TRPM8: variants seen among roughly 807,000 people sequenced by gnomAD.
TRPM8 encodes TRPM8 cationic channel.
In TRPM8, 110 loss-of-function variants were observed where a neutral mutation model predicts 133.7. The ratio of observed to expected loss-of-function variants is 0.82; its 90% confidence interval spans 0.70 to 0.96. The LOEUF (loss-of-function observed/expected upper bound fraction) is 0.96, where lower values mean the gene tolerates loss of function less well. Ranked by LOEUF, TRPM8 falls within the 40% of genes least tolerant of loss-of-function variation. The probability of loss-of-function intolerance (pLI) is 0.00; values close to 1 mark genes in which losing one functional copy is unlikely to be tolerated. For missense variants in TRPM8, 1,291 were observed against 1,379.5 expected (o/e 0.94, Z 1.02); for synonymous variants, 535 against 532.3 (o/e 1.01, Z -0.07).
At chr2:233,937,626 C>T in intron 4 of TRPM8, 117 bp downstream of exon 4, 1 of 1,171,032 alleles carries the variant, frequency 8.5e-7, no homozygotes, top group Non-Finnish European at 1.2e-6. Context: ...TAGTAAACAC[C>T]AAAAACGATT....
chr2:233,975,758 T>C (rs895468230), intron 17 of TRPM8, among the ~76,000 whole-genome samples: 2 of 152,210 alleles, frequency 1.3e-5, no homozygotes, highest in Non-Finnish European at 2.9e-5. Flanking sequence ...GGCGCGTGCC[T>C]GTAATCCCAG....
rs551114334 is a variant in TRPM8 at position 233,962,216 on chromosome 2, T to C, written c.1654-1066T>C. Among the ~76,000 whole-genome samples the C allele has an allele frequency of 9.2e-5, 14 of 152,340 alleles. No individual in the cohort carries two copies. In the East Asian group the frequency reaches 2.7e-3, roughly 29 times the overall value. ...CCTGCAGAACTTCTCATTTTAAGTA[T>C]AGGAAGGCCCAGTTTCCAATTGCCA... is the stretch of plus-strand genomic sequence containing the variant. On this transcript the variant is annotated intron_variant, in intron 12 of 25. Transcript: ENST00000324695.
intron 17 of TRPM8, among the ~76,000 whole-genome samples, chr2:233,972,173 G>A (rs1691742106): frequency 6.6e-6 from 1 of 151,490 alleles, no homozygotes; most frequent in Non-Finnish European, 1.5e-5. Flanking sequence ...GACGATTGGT[G>A]TATTTACAAT....
At chr2:233,946,624 C>T (rs1691049329) in intron 7 of TRPM8, among the ~76,000 whole-genome samples, 1 of 152,156 alleles carries the variant, frequency 6.6e-6, no homozygotes, top group Admixed American at 6.5e-5. Flanking sequence ...GACATAATGA[C>T]AGGAACTTGT....
At chr2:233,948,411 T>C (rs1691094577) in intron 8 of TRPM8, among the ~76,000 whole-genome samples, 1 of 152,250 alleles carries the variant, frequency 6.6e-6, no homozygotes, top group South Asian at 2.1e-4. Context: ...ATTTATATCC[T>C]ACTGCTCAAG....
chr2:233,939,058 T>C lies in TRPM8; in HGVS notation c.409T>C (p.Trp137Arg), dbSNP rs974932230. 1 of 1,614,220 alleles carries C rather than the reference T, an allele frequency of 6.2e-7. No homozygotes were observed. Residue 137 changes from tryptophan (W) to arginine (R), a missense_variant, in exon 5 of 26, where the codon TGG becomes CGG. By Grantham distance (101) the Trp-to-Arg change is moderately radical. This residue lies in a region of TRPM8 where 963 missense variants were observed against 968.9 expected (regional missense o/e 0.99). Coordinates refer to ENST00000324695, the MANE Select transcript of TRPM8 (RefSeq NM_024080.5). ...EILYELLTQH[W>R]HLKTPNLVIS... The stretch of plus-strand genomic sequence containing the variant: ...CCTTTACGAGCTGCTGACCCAGCAC[T>C]GGCACCTGAAAACACCCAACCTGGT...
intron 12 of TRPM8, among the ~76,000 whole-genome samples, chr2:233,962,790 C>G (rs979345977): frequency 1.3e-5 from 2 of 152,020 alleles, no homozygotes; most frequent in Non-Finnish European, 2.9e-5. Flanking sequence ...GAAAAGTTTC[C>G]CTTGAAAGGT....
rs202100620 is a variant in TRPM8 at position 234,014,579 on chromosome 2, T to A, written c.3282T>A (p.Gly1094=). ...TTTCCAAGCTTAATGATCTCAAGGG[T>A]CTTCTGAAAGAGATTGCTAATAAAA... ...QLDTKLNDLK[G]LLKEIANKIK is the part of the protein sequence containing the mutation. The change falls in exon 25 of 26, where the codon GGT becomes GGA. Residue 1094 remains glycine (G), a synonymous_variant. Coordinates refer to ENST00000324695, the MANE Select transcript of TRPM8 (RefSeq NM_024080.5). The A allele has an allele frequency of 2.3e-5, 35 of 1,552,780 alleles. No individual in the cohort carries two copies. The Admixed American group carries it at 2.7e-4, about 12-fold the overall frequency.
intron 3 of TRPM8, among the ~76,000 whole-genome samples, chr2:233,932,372 C>A (rs1691697624): frequency 6.6e-6 from 1 of 152,190 alleles, no homozygotes; most frequent in South Asian, 2.1e-4. Flanking sequence ...CATCAAAAGT[C>A]CTGGGCTGAT....
Position 233,945,349 on chromosome 2 carries a change from C to T in TRPM8, c.700-507C>T, listed in dbSNP as rs183789042. 3.0e-4 allele frequency among the ~76,000 whole-genome samples: 46 copies of T among 152,218 alleles called. No individual in the cohort carries two copies. The East Asian group carries it at 6.0e-3, about 20-fold the overall frequency. ...TTCTTTTTGTGGTCCTGTTGCTATGCGCTTCTCAAGTGCAAAGACTGTTTC... is the reference window on the plus strand; with the variant it reads ...TTCTTTTTGTGGTCCTGTTGCTATGTGCTTCTCAAGTGCAAAGACTGTTTC... On this transcript the variant is annotated intron_variant, in intron 6 of 25. Transcript: ENST00000324695.
At chr2:233,944,021 G>A (rs368093007) in intron 6 of TRPM8, among the ~76,000 whole-genome samples, 1 of 152,088 alleles carries the variant, frequency 6.6e-6, no homozygotes, top group African/African-American at 2.4e-5. Flanking sequence ...GGGGGAGGAG[G>A]AGGCGTTTTG....
chr2:233,954,368 T>C (rs1691241295), intron 10 of TRPM8, among the ~76,000 whole-genome samples: 1 of 152,260 alleles, frequency 6.6e-6, no homozygotes. Context: ...CCTAGCATTC[T>C]ACATATTTGT....
intron 11 of TRPM8, among the ~76,000 whole-genome samples, chr2:233,958,497 A>G (rs888072283): frequency 5.9e-5 from 9 of 152,142 alleles, no homozygotes; most frequent in Non-Finnish European, 1.3e-4. Flanking sequence ...AAATTCCAAT[A>G]CTGACTCCCA....
intron 11 of TRPM8, among the ~76,000 whole-genome samples, chr2:233,956,696 T>C (rs2125154175): frequency 6.6e-6 from 1 of 152,352 alleles, no homozygotes; most frequent in Non-Finnish European, 1.5e-5. Context: ...TAACATGCGA[T>C]CAGTTTTAAT....
rs1232745676 is a variant in TRPM8 at position 233,945,964 on chromosome 2, C to T, written c.808C>T (p.His270Tyr). The stretch of plus-strand genomic sequence containing the variant: ...GCTCGTGGACAATGGCTGTCATGGA[C>T]ATCCCACTGTCGAAGCAAAGCTCCG... ...LLLVDNGCHG[H>Y]PTVEAKLRNQ... The change falls in exon 7 of 26, where the codon CAT becomes TAT. Residue 270 changes from histidine to tyrosine, a missense_variant. Physicochemically the swap from His to Tyr is moderately conservative, Grantham distance 83. Coordinates refer to ENST00000324695, the MANE Select transcript of TRPM8 (RefSeq NM_024080.5). The T allele has an allele frequency of 3.1e-6, 5 of 1,614,116 alleles. No individual in the cohort carries two copies. The highest frequency in any genetic ancestry group is 1.7e-6 in the Non-Finnish European group (2 of 1,179,984).
chr2:233,947,794 C>T (rs894787938), intron 8 of TRPM8, among the ~76,000 whole-genome samples: 4 of 152,008 alleles, frequency 2.6e-5, no homozygotes, highest in African/African-American at 9.7e-5. Flanking sequence ...GAATCAAAAC[C>T]TTTTATTTAT....
chr2:233,984,828 A>G (rs1380470491), intron 20 of TRPM8, among the ~76,000 whole-genome samples: 1 of 152,200 alleles, frequency 6.6e-6, no homozygotes. Flanking sequence ...TTATGCCTGT[A>G]ATCCCAGCAC....
intron 17 of TRPM8, 49 bp downstream of exon 17, chr2:233,970,475 C>A: frequency 6.5e-7 from 1 of 1,539,602 alleles, no homozygotes; most frequent in Non-Finnish European, 9.0e-7. Context: ...CGGTGGGAGG[C>A]ATCTTTCTAA....
rs879841274 is a variant in TRPM8, at chr2:234,000,017, T to TTTTCCATCCTTGGAAAAAACC, written c.3130+3507_3130+3527dup. Among the ~76,000 whole-genome samples, 747 of 152,306 alleles carry TTTTCCATCCTTGGAAAAAACC rather than the reference T, an allele frequency of 4.9e-3. 6 individuals carry two copies. Among genetic ancestry groups the TTTTCCATCCTTGGAAAAAACC allele is most frequent in the Non-Finnish European group, 7.4e-3 (504 of 68,032 alleles). Reference sequence around the variant, plus strand: ...ACAAGTAATTTGAAGATCGTGTATGTTTTCCATCCTTGGAAAAAACCTTTC... The same window carrying TTTTCCATCCTTGGAAAAAACC: ...ACAAGTAATTTGAAGATCGTGTATGTTTTCCATCCTTGGAAAAAACCTTTCCATCCTTGGAAAAAACCTTTC... On this transcript the variant is annotated intron_variant, in intron 22 of 25. Coordinates refer to ENST00000324695, the MANE Select transcript of TRPM8 (RefSeq NM_024080.5).
Sources: allele counts gnomAD v4.1 joint callset (sites outside exome capture counted in the v4.1 genomes callset), GRCh38; gene constraint gnomAD v4.1.1; regional missense constraint gnomAD v4.1.1; transcripts MANE v1.5; gene names NCBI Gene and HGNC (gene_info 2026-07-23, HGNC 2026-07-21).